MBNL1: variants seen among roughly 807,000 people sequenced by gnomAD.
MBNL1 encodes muscleblind like splicing regulator 1, also known as muscleblind-like protein 1.
Under a neutral mutation model 42.2 loss-of-function variants are expected in MBNL1, and 8 were observed. That is an observed-to-expected ratio of 0.19 (90% CI 0.11 to 0.34). The LOEUF is 0.34. Ranked by LOEUF, MBNL1 falls within the 10% of genes least tolerant of loss-of-function variation. MBNL1 has a pLI of 1.00. For synonymous variants in MBNL1, 169 were observed against 173.9 expected (o/e 0.97, Z 0.22); for missense variants, 309 against 495.3 (o/e 0.62, Z 3.57).
At chr3:152,269,353 G>A in intron 1 of MBNL1, 1 of 350,340 alleles carries the variant, frequency 2.9e-6, no homozygotes, top group Non-Finnish European at 5.6e-6. Flanking sequence ...GCCCGCGCAC[G>A]GCTTGGCAGC....
chr3:152,393,806 C>A (rs1173208615), intron 2 of MBNL1, among the ~76,000 whole-genome samples: 2 of 152,104 alleles, frequency 1.3e-5, no homozygotes, highest in Non-Finnish European at 2.9e-5. Context: ...TGTGCGTGAG[C>A]TATAGTTGGC....
At chr3:152,421,292 C>T (rs2098800778) in intron 3 of MBNL1, among the ~76,000 whole-genome samples, 1 of 152,070 alleles carries the variant, frequency 6.6e-6, no homozygotes, top group Admixed American at 6.5e-5. Context: ...CCCAGTGGTG[C>T]CCAGAATGCC....
Position 152,313,319 on chromosome 3 carries a change from G to A in MBNL1, c.174+12952G>A, listed in dbSNP as rs539991816. ...ATTACAGGTGTGAGCCACCGCGCCC[G>A]GCCAACATTTTATTTTTTATGGCAA... On this transcript the variant is annotated intron_variant, in intron 2 of 9. Coordinates refer to ENST00000324210, the MANE Select transcript of MBNL1 (RefSeq NM_021038.5). Among the ~76,000 whole-genome samples the A allele has an allele frequency of 4.6e-5, 7 of 152,082 alleles. No individual in the cohort carries two copies. The South Asian group carries it at 6.2e-4, about 14-fold the overall frequency.
intron 2 of MBNL1, among the ~76,000 whole-genome samples, chr3:152,331,232 C>T (rs561934037): frequency 6.6e-6 from 1 of 151,922 alleles, no homozygotes; most frequent in South Asian, 2.1e-4. Flanking sequence ...TGCCCCTGGG[C>T]ATAACTGAAT....
chr3:152,300,266 G>C lies in MBNL1; in HGVS notation c.73G>C (p.Gly25Arg), dbSNP rs1358297514. 3.1e-6 allele frequency: 5 copies of C among 1,613,734 alleles called. No individual in the cohort carries two copies. The highest frequency in any genetic ancestry group is 2.7e-5 in the African/African-American group (2 of 74,872). Residue 25 changes from glycine (G) to arginine (R), a missense_variant, in exon 2 of 10, where the codon GGG becomes CGG. Transcript: ENST00000324210. ...TLEVCREFQRGTCSRPDTECK... is the reference protein window; with the variant it reads ...TLEVCREFQRRTCSRPDTECK... ...GGAAGTATGTAGAGAGTTCCAGAGGGGGACTTGCTCACGGCCAGACACGGA... is the reference window on the plus strand; with the variant it reads ...GGAAGTATGTAGAGAGTTCCAGAGGCGGACTTGCTCACGGCCAGACACGGA...
intron 2 of MBNL1, among the ~76,000 whole-genome samples, chr3:152,405,489 GT>G (rs1029259092): frequency 6.6e-6 from 1 of 152,086 alleles, no homozygotes; most frequent in Non-Finnish European, 1.5e-5. Flanking sequence ...ATACCTTTTG[GT>G]TTTTAGTCAG....
chr3:152,290,345 T>A (rs2055181572), intron 1 of MBNL1, among the ~76,000 whole-genome samples: 1 of 152,088 alleles, frequency 6.6e-6, no homozygotes, highest in Admixed American at 6.6e-5. Context: ...CATGTTGATT[T>A]TGTAATTTAT....
chr3:152,387,343 C>G (rs1357813697), intron 2 of MBNL1, among the ~76,000 whole-genome samples: 1 of 150,426 alleles, frequency 6.6e-6, no homozygotes, highest in Non-Finnish European at 1.5e-5. Flanking sequence ...GAATGTAAAA[C>G]TGTTATTAAA....
At chr3:152,370,648 G>T (rs2096617346) in intron 2 of MBNL1, among the ~76,000 whole-genome samples, 1 of 152,092 alleles carries the variant, frequency 6.6e-6, no homozygotes, top group Non-Finnish European at 1.5e-5. Context: ...CTCTTTGTAG[G>T]TCTCTAAGAA....
At chr3:152,362,955 A>T (rs2096086130) in intron 2 of MBNL1, among the ~76,000 whole-genome samples, 1 of 152,174 alleles carries the variant, frequency 6.6e-6, no homozygotes, top group Non-Finnish European at 1.5e-5. Flanking sequence ...AGATCCATGC[A>T]ATTGGCTAAA....
At chr3:152,345,096 T>A (rs913991921) in intron 2 of MBNL1, among the ~76,000 whole-genome samples, 4 of 152,108 alleles carry the variant, frequency 2.6e-5, no homozygotes, top group Admixed American at 2.6e-4. Flanking sequence ...CTTTTTTTTT[T>A]CCTAAATTCC....
At chr3:152,328,696 G>A (rs867924965) in intron 2 of MBNL1, among the ~76,000 whole-genome samples, 37 of 152,254 alleles carry the variant, frequency 2.4e-4, no homozygotes, top group Middle Eastern at 3.4e-3. Flanking sequence ...TGTTTGCTTT[G>A]CTGGAGTACC....
intron 2 of MBNL1, among the ~76,000 whole-genome samples, chr3:152,402,897 G>A (rs1236639587): frequency 1.3e-5 from 2 of 152,134 alleles, no homozygotes; most frequent in Non-Finnish European, 2.9e-5. Context: ...GTGGGCATGA[G>A]CCTCCTTCTG....
intron 2 of MBNL1, among the ~76,000 whole-genome samples, chr3:152,327,255 T>A (rs2080985294): frequency 1.3e-5 from 2 of 152,190 alleles, no homozygotes; most frequent in South Asian, 4.1e-4. Flanking sequence ...ATTTATTTAC[T>A]CAGAAGATAT....
chr3:152,264,109 A>T (rs1394322450), upstream of MBNL1: 2 of 151,474 alleles, frequency 1.3e-5, no homozygotes, highest in African/African-American at 4.9e-5. Flanking sequence ...GCTTATCTCC[A>T]TCTGAAATTA....
At chr3:152,405,538 A>AT (rs1184056907) in intron 2 of MBNL1, among the ~76,000 whole-genome samples, 1 of 152,138 alleles carries the variant, frequency 6.6e-6, no homozygotes, top group Non-Finnish European at 1.5e-5. Flanking sequence ...AAGTTGGAGC[A>AT]TTTTTGCTTT....
At chr3:152,415,786 T>G (rs1293249290) in intron 3 of MBNL1, among the ~76,000 whole-genome samples, 1 of 152,212 alleles carries the variant, frequency 6.6e-6, no homozygotes, top group African/African-American at 2.4e-5. Flanking sequence ...GGGTGACTCT[T>G]GCTTTGAAAC....
At chr3:152,275,978 GT>G (rs1182222900) in intron 1 of MBNL1, among the ~76,000 whole-genome samples, 12 of 152,166 alleles carry the variant, frequency 7.9e-5, no homozygotes, top group Non-Finnish European at 1.5e-4. Context: ...TTATAAAGGT[GT>G]AAATATTTAT....
At chr3:152,245,455 ATC>A (rs2032700915) in intron 2 of MBNL1, among the ~76,000 whole-genome samples, 1 of 152,154 alleles carries the variant, frequency 6.6e-6, no homozygotes, top group South Asian at 2.1e-4. Flanking sequence ...TCATAATTGA[ATC>A]CTTTTGAGAA....
Sources: allele counts gnomAD v4.1 joint callset (sites outside exome capture counted in the v4.1 genomes callset), GRCh38; gene constraint gnomAD v4.1.1; transcripts MANE v1.5; gene names NCBI Gene and HGNC (gene_info 2026-07-23, HGNC 2026-07-21).